The following ZFP64 variants were observed in gnomAD, a reference collection of about 807,000 sequenced individuals.
ZFP64 encodes the protein zinc finger protein 64.
ZFP64 carries 14 observed loss-of-function variants against 51.6 expected under a neutral mutation model. The ratio of observed to expected loss-of-function variants is 0.27; its 90% confidence interval spans 0.18 to 0.42. The LOEUF (loss-of-function observed/expected upper bound fraction) is 0.42. Ranked by LOEUF, ZFP64 falls within the 10% of genes least tolerant of loss-of-function variation. ZFP64 has a pLI of 1.00. For missense variants in ZFP64, 754 were observed against 906.8 expected (o/e 0.83, Z 2.16); for synonymous variants, 375 against 361.4 (o/e 1.04, Z -0.43).
rs2079077676 is a variant in ZFP64 at position 52,103,665 on chromosome 20, C to G, written c.764-5078G>C. 2.0e-5 allele frequency among the ~76,000 whole-genome samples: 3 copies of G among 152,160 alleles called. No homozygotes were observed. In the South Asian group the frequency reaches 6.2e-4, roughly 31 times the overall value. ...CAATTCTCTTCTATAAACACCTCCC[C>G]CAAAAGACTCAGCATCCCCAGTACC... On this transcript the variant is annotated intron_variant, in intron 5 of 8. Coordinates refer to the ZFP64 transcript ENST00000361387.
At position 52,153,103 on chromosome 20, in the gene ZFP64, A is replaced by ACGCTCGTGGATG. The variant is rs1400858426; in HGVS notation, c.1077_1088dup (p.Glu362_His365dup). On this transcript the variant is annotated inframe_insertion, in exon 6 of 6. Transcript: ENST00000216923. The surrounding 1 kb of genome is among the most constrained non-coding windows in gnomAD (Gnocchi z 5.1). ...TGAAAGGGCGGTCGGTGCAGTGGATACGCTCGTGGATGCGCAGGGCGGCCT... is the reference window on the plus strand; with the variant it reads ...TGAAAGGGCGGTCGGTGCAGTGGATACGCTCGTGGATGCGCTCGTGGATGCGCAGGGCGGCCT... 2 of 1,614,172 alleles carry ACGCTCGTGGATG rather than the reference A, an allele frequency of 1.2e-6. No homozygotes were observed. The highest frequency in any genetic ancestry group is 4.5e-5 in the East Asian group (2 of 44,864).
At position 52,160,784 on chromosome 20, in the gene ZFP64, C is replaced by T. The variant is rs1206343340; in HGVS notation, c.512-410G>A. Among the ~76,000 whole-genome samples, 1 of 152,144 alleles carries T rather than the reference C, an allele frequency of 6.6e-6. No homozygotes were observed. Among genetic ancestry groups the T allele is most frequent in the Non-Finnish European group, 1.5e-5 (1 of 68,026 alleles). ...AAGTTTCAGCAGAGTTCATGGCTCA[C>T]CAGGGAAAGATTACACTTCTCAGCC... On this transcript the variant is annotated intron_variant, in intron 4 of 5. Coordinates refer to ENST00000216923, the MANE Select transcript of ZFP64 (RefSeq NM_018197.3). The surrounding 1 kb of genome is among the most constrained non-coding windows in gnomAD (Gnocchi z 4.2).
chr20:52,101,568 ATT>A (rs2079050826), intron 5 of ZFP64, among the ~76,000 whole-genome samples: 1 of 151,608 alleles, frequency 6.6e-6, no homozygotes. Context: ...GTAGTTTTGT[ATT>A]TTTTGTAGTT....
chr20:52,105,040 T>TC, intron 5 of ZFP64: 1 of 1,361,292 alleles, frequency 7.3e-7, no homozygotes, highest in South Asian at 1.6e-5. Flanking sequence ...CCCTTTCAGG[T>TC]CCCCTGCCCG....
At chr20:52,108,891 C>T (rs1978398276) in intron 5 of ZFP64, among the ~76,000 whole-genome samples, 1 of 151,404 alleles carries the variant, frequency 6.6e-6, no homozygotes, top group Non-Finnish European at 1.5e-5. Context: ...CACACACACA[C>T]ACACACACAC....
In ZFP64 at chr20:52,094,017, T is replaced by C. The variant is rs377621437; in HGVS notation, c.976+3356A>G. Reference sequence around the variant, plus strand: ...AAGACATCTTTTTGAGAAGAGTCCATCCAAATTGCCAGGAGTGCATAGCAC... The same window carrying C: ...AAGACATCTTTTTGAGAAGAGTCCACCCAAATTGCCAGGAGTGCATAGCAC... On this transcript the variant is annotated intron_variant, in intron 7 of 8. Coordinates refer to the ZFP64 transcript ENST00000361387. Among the ~76,000 whole-genome samples, 46 of 152,324 alleles carry C rather than the reference T, an allele frequency of 3.0e-4. 1 individual carries two copies. The East Asian group carries it at 5.2e-3, about 17-fold the overall frequency.
intron 5 of ZFP64, among the ~76,000 whole-genome samples, chr20:52,135,430 A>G (rs1405220632): frequency 1.3e-5 from 2 of 152,184 alleles, no homozygotes; most frequent in African/African-American, 4.8e-5. Context: ...TTCCTGCTCT[A>G]TGGCAAAAGG....
At position 52,151,686 on chromosome 20, in the gene ZFP64, T is replaced by C. The variant is rs538560329; in HGVS notation, c.*460A>G. 1.3e-5 allele frequency: 13 copies of C among 992,352 alleles called. No homozygotes were observed. Among genetic ancestry groups the C allele is most frequent in the Non-Finnish European group, 1.4e-5 (12 of 833,520 alleles). The allele number at this position is 992,352 out of a possible 1,614,324, so 61.5% of individuals were successfully genotyped here. On this transcript the variant is annotated 3_prime_UTR_variant, in exon 6 of 6. Coordinates refer to ENST00000216923, the MANE Select transcript of ZFP64 (RefSeq NM_018197.3). Reference sequence around the variant, plus strand: ...CAAAGTTGTTACAGTGTTAAAAAAATTATAGTAAGCAGTATAAAATTACAA... The same window carrying C: ...CAAAGTTGTTACAGTGTTAAAAAAACTATAGTAAGCAGTATAAAATTACAA...
intron 5 of ZFP64, chr20:52,117,670 T>C (rs1340321653): frequency 1.5e-5 from 7 of 456,558 alleles, no homozygotes; most frequent in African/African-American, 1.2e-4. Context: ...TGACTTCTTC[T>C]ATGAACAGTA....
chr20:52,122,599 C>T (rs1051361842), intron 5 of ZFP64, among the ~76,000 whole-genome samples: 2 of 152,014 alleles, frequency 1.3e-5, no homozygotes, highest in African/African-American at 4.8e-5. Flanking sequence ...TATTAACAAC[C>T]TTCTGGAGAG....
At chr20:52,095,016 G>C (rs1200950748) in intron 7 of ZFP64, among the ~76,000 whole-genome samples, 3 of 152,164 alleles carry the variant, frequency 2.0e-5, no homozygotes, top group African/African-American at 7.2e-5. Flanking sequence ...CCAAAGCCAA[G>C]GCACACAAGG....
At chr20:52,162,839 G>T (rs1981934611) in intron 4 of ZFP64, among the ~76,000 whole-genome samples, 1 of 152,096 alleles carries the variant, frequency 6.6e-6, no homozygotes, top group Non-Finnish European at 1.5e-5. Flanking sequence ...TGTTGCTGTG[G>T]TTCCCCCAAA....
chr20:52,116,971 G>A (rs1978906587), intron 5 of ZFP64, among the ~76,000 whole-genome samples: 1 of 152,066 alleles, frequency 6.6e-6, no homozygotes, highest in South Asian at 2.1e-4. Flanking sequence ...TCAGGAGGCT[G>A]AGGCAGAAGA....
downstream of ZFP64, among the ~76,000 whole-genome samples, chr20:52,150,204 CAA>C (rs11474043): frequency 2.2e-5 from 3 of 137,526 alleles, no homozygotes; most frequent in Admixed American, 7.3e-5. Context: ...GACTCCACCT[CAA>C]AAAAAAAAAA....
chr20:52,091,040 C>T (rs1317485386), intron 7 of ZFP64, among the ~76,000 whole-genome samples: 1 of 151,502 alleles, frequency 6.6e-6, no homozygotes, highest in Non-Finnish European at 1.5e-5. Context: ...AGAAGGTGAG[C>T]TCTGATCATA....
intron 5 of ZFP64, among the ~76,000 whole-genome samples, chr20:52,142,378 A>ACACACACACACACACGCGCG (rs1555804621): frequency 0.095 from 3,635 of 38,142 alleles, 65 homozygotes; most frequent in Non-Finnish European, 0.11. Flanking sequence ...ACACACACAG[A>ACACACACACACACACGCGCG]CACACACACA....
intron 7 of ZFP64, chr20:52,088,755 T>G: frequency 7.3e-7 from 1 of 1,364,290 alleles, no homozygotes; most frequent in Non-Finnish European, 1.0e-6. Context: ...CCTGTCCAAA[T>G]ACTGAGAGAG....
chr20:52,104,957 T>G lies in ZFP64; in HGVS notation c.764-6370A>C, dbSNP rs570149566. 5 of 723,858 alleles carry G rather than the reference T, an allele frequency of 6.9e-6. 1 individual carries two copies. Among genetic ancestry groups the G allele is most frequent in the Non-Finnish European group, 1.1e-5 (5 of 449,590 alleles). The allele number at this position is 723,858 out of a possible 1,614,324, so 44.8% of individuals were successfully genotyped here. A position where few individuals can be genotyped will look rare whatever the true frequency, so the allele number is the denominator to read the frequency against. On this transcript the variant is annotated intron_variant, in intron 5 of 8. Coordinates refer to the ZFP64 transcript ENST00000361387. ...AAGGGGACGGTGGACTCCAGGAGAG[T>G]GTAATTTACAAAGGCGGGGGGCGGG...
At chr20:52,164,108 C>G (rs752845602) in intron 4 of ZFP64, among the ~76,000 whole-genome samples, 3 of 152,034 alleles carry the variant, frequency 2.0e-5, no homozygotes, top group Non-Finnish European at 4.4e-5. Flanking sequence ...TCCAGGCATT[C>G]GAGACCAGCC....
Sources: gnomAD v4.1 joint callset for allele counts (sites outside exome capture counted in the v4.1 genomes callset) on GRCh38, gnomAD v4.1.1 for gene constraint, Gnocchi (gnomAD v3.1) non-coding constraint, MANE v1.5 for transcripts, NCBI Gene and HGNC (gene_info 2026-07-23, HGNC 2026-07-21) for gene names.